The following NUP205 variants were observed in gnomAD, a reference collection of about 807,000 sequenced individuals.
NUP205 encodes the protein nucleoporin 205, also known as nuclear pore complex protein Nup205.
Under a neutral mutation model 253.8 loss-of-function variants are expected in NUP205, and 76 were observed. The observed-to-expected ratio is 0.30, with a 90% CI of 0.25 to 0.36. The LOEUF is 0.36. Among genes scored for constraint, NUP205 ranks in the 10% least tolerant of loss-of-function variants. The pLI is 1.00. For missense variants in NUP205, 2,162 were observed against 2,425.5 expected, an observed-to-expected ratio of 0.89 and a Z score of 2.28; for synonymous variants, 832 against 850.1, an observed-to-expected ratio of 0.98 and a Z score of 0.37.
intron 16 of NUP205, 134 bp from the exon 17 acceptor site, chr7:135,601,236 T>C: frequency 1.3e-6 from 1 of 777,904 alleles, no homozygotes. Flanking sequence ...ATTACTGCTG[T>C]GTCTCTAAAT....
Position 135,638,631 on chromosome 7 carries a change from T to C in NUP205, c.5340T>C (p.Cys1780=), listed in dbSNP as rs779633003. ...QSSPTFQHAV[C]LFTPSLSETV... ...CCCCTACCTTCCAGCATGCTGTGTG[T>C]CTCTTCACTCCTAGCCTTTCAGAAA... The change falls in exon 38 of 43, where the codon TGT becomes TGC. Residue 1780 remains cysteine, a synonymous_variant. Coordinates refer to ENST00000285968, the MANE Select transcript of NUP205 (RefSeq NM_015135.3). 3 of 1,614,082 alleles carry C rather than the reference T, an allele frequency of 1.9e-6. No individual in the cohort carries two copies.
At chr7:135,621,372 A>G (rs899878984) in intron 30 of NUP205, among the ~76,000 whole-genome samples, 72 of 152,124 alleles carry the variant, frequency 4.7e-4, no homozygotes, top group African/African-American at 1.7e-3. Flanking sequence ...CACCTCCCAC[A>G]TTTTTCTTTT....
intron 1 of NUP205, among the ~76,000 whole-genome samples, chr7:135,570,889 ATAT>A (rs1805978439): frequency 8.1e-6 from 1 of 123,450 alleles, no homozygotes; most frequent in African/African-American, 3.1e-5. Flanking sequence ...AATATATTAT[ATAT>A]TATATATTTA....
chr7:135,607,562 T>G lies in NUP205; in HGVS notation c.3195+191T>G, dbSNP rs73725186. ...CAAGTTCTTATAGACCCAAATCTTA[T>G]GTTAATCACTTGAAAAATAGAGGAA... is the stretch of plus-strand genomic sequence containing the variant. On this transcript the variant is annotated intron_variant, in intron 22 of 42. Transcript: ENST00000285968. Among the ~76,000 whole-genome samples, 5,198 of 152,314 alleles carry G rather than the reference T, an allele frequency of 0.034. 118 individuals are homozygous for G. Among genetic ancestry groups the G allele is most frequent in the Middle Eastern group, 0.1 (30 of 294 alleles).
intron 1 of NUP205, among the ~76,000 whole-genome samples, chr7:135,570,788 T>TAATATATATTGATTATATTAA (rs35185893): frequency 8.2e-5 from 4 of 48,968 alleles, no homozygotes; most frequent in Non-Finnish European, 1.5e-4. Flanking sequence ...TTAATTATAT[T>TAATATATATTGATTATATTAA]TATATATTAT....
At chr7:135,646,627 AAG>A (rs1245241474) in intron 42 of NUP205, among the ~76,000 whole-genome samples, 2 of 152,192 alleles carry the variant, frequency 1.3e-5, no homozygotes, top group Non-Finnish European at 2.9e-5. Flanking sequence ...GAATGAATGT[AAG>A]TAAGTAAGTA....
intron 22 of NUP205, among the ~76,000 whole-genome samples, chr7:135,611,675 C>G (rs1794242533): frequency 6.6e-6 from 1 of 151,518 alleles, no homozygotes; most frequent in African/African-American, 2.4e-5. Context: ...CTGTAGCGAA[C>G]AAAAAAACAA....
chr7:135,560,543 G>A (rs1430524260), intron 1 of NUP205, among the ~76,000 whole-genome samples: 1 of 152,202 alleles, frequency 6.6e-6, no homozygotes, highest in Non-Finnish European at 1.5e-5. Flanking sequence ...GTTGGGTTGA[G>A]TGGGTAAAGG....
intron 35 of NUP205, among the ~76,000 whole-genome samples, chr7:135,633,532 TTACCTC>T (rs1288553076): frequency 6.6e-6 from 1 of 152,234 alleles, no homozygotes; most frequent in Non-Finnish European, 1.5e-5. Flanking sequence ...ACTTATCTGT[TTACCTC>T]TAGCTATATA....
At chr7:135,592,685 A>C (rs958967534) in intron 11 of NUP205, among the ~76,000 whole-genome samples, 1 of 152,120 alleles carries the variant, frequency 6.6e-6, no homozygotes, top group African/African-American at 2.4e-5. Context: ...TCAGGAGTTC[A>C]AGAGCAGCCT....
At chr7:135,567,181 T>C (rs1584635077) in intron 1 of NUP205, among the ~76,000 whole-genome samples, 1 of 109,160 alleles carries the variant, frequency 9.2e-6, no homozygotes, top group African/African-American at 3.5e-5. Context: ...TATATATATA[T>C]GTATATATGG....
rs1806680958 is a variant in NUP205, at chr7:135,593,296, A to G, written c.1830+104A>G. 1.4e-5 allele frequency: 15 copies of G among 1,038,434 alleles called. No homozygotes were observed. In the East Asian group the frequency reaches 2.5e-4, roughly 17 times the overall value. The allele number at this position is 1,038,434 out of a possible 1,614,324, so 64.3% of individuals were successfully genotyped here. A position where few individuals can be genotyped will look rare whatever the true frequency, so the allele number is the denominator to read the frequency against. On this transcript the variant is annotated intron_variant, in intron 12 of 42. Transcript: ENST00000285968. ...AATTTAAGAGTAATAAACTTAGCCT[A>G]TCTAGATAGACAGATATATAGCATT...
intron 1 of NUP205, among the ~76,000 whole-genome samples, chr7:135,569,352 C>T (rs1281203848): frequency 2.0e-5 from 3 of 152,246 alleles, no homozygotes; most frequent in Non-Finnish European, 2.9e-5. Context: ...GGATTACAGG[C>T]GTGAGCCACC....
intron 38 of NUP205, among the ~76,000 whole-genome samples, chr7:135,642,644 T>C (rs2129492598): frequency 6.6e-6 from 1 of 152,382 alleles, no homozygotes; most frequent in African/African-American, 2.4e-5. Flanking sequence ...TTTTAAAGTT[T>C]AAATCCATTT....
intron 1 of NUP205, among the ~76,000 whole-genome samples, chr7:135,562,094 C>T (rs747143707): frequency 1.3e-5 from 2 of 152,068 alleles, no homozygotes; most frequent in Non-Finnish European, 2.9e-5. Context: ...ACTCCCTTTT[C>T]ATACCTCCTA....
At chr7:135,594,150 T>G (rs370746067) in intron 12 of NUP205, among the ~76,000 whole-genome samples, 1 of 152,160 alleles carries the variant, frequency 6.6e-6, no homozygotes, top group Non-Finnish European at 1.5e-5. Context: ...ATACTGTATA[T>G]CTCTATATTT....
At position 135,625,285 on chromosome 7, in the gene NUP205, G is replaced by T; in HGVS notation, c.4601G>T (p.Arg1534Leu). 6.2e-7 allele frequency: 1 copy of T among 1,614,042 alleles called. No homozygotes were observed. Among genetic ancestry groups the T allele is most frequent in the Non-Finnish European group, 8.5e-7 (1 of 1,179,974 alleles). ...VLVDSLVEDD[R>L]TLQSLLTPQP... is the part of the protein sequence containing the mutation. ...GTAGACAGCTTGGTAGAAGATGACC[G>T]TACTTTGCAGAGCTTACTCACCCCA... is the stretch of plus-strand genomic sequence containing the variant. Residue 1534 changes from arginine to leucine, a missense_variant, in exon 32 of 43, where the codon CGT (arginine) becomes CTT (leucine). By Grantham distance (102) the Arg-to-Leu change is moderately radical. Around this residue, in one of 5 missense-constraint regions of NUP205, gnomAD observed 1,144 missense variants for 1,280.9 expected, o/e 0.89. Coordinates refer to ENST00000285968, the MANE Select transcript of NUP205 (RefSeq NM_015135.3).
At chr7:135,570,678 TATTAATTATATTAATATA>T (rs71174535) in intron 1 of NUP205, among the ~76,000 whole-genome samples, 10,769 of 93,790 alleles carry the variant, frequency 0.11, 2,239 homozygotes, top group East Asian at 0.43. Flanking sequence ...AATTAATATA[TATTAATTATATTAATATA>T]ATTAATTATA....
intron 1 of NUP205, among the ~76,000 whole-genome samples, chr7:135,559,395 GCT>G (rs1193233752): frequency 1.3e-5 from 2 of 151,838 alleles, no homozygotes; most frequent in Non-Finnish European, 1.5e-5. Flanking sequence ...ATGGAGTCTT[GCT>G]CTGTCTCCCA....
Sources: gnomAD v4.1 joint callset for allele counts (sites outside exome capture counted in the v4.1 genomes callset) on GRCh38, gnomAD v4.1.1 for gene constraint, gnomAD v4.1.1 regional missense constraint, MANE v1.5 for transcripts, NCBI Gene and HGNC (gene_info 2026-07-23, HGNC 2026-07-21) for gene names.